DGKI: variants seen among roughly 807,000 people sequenced by gnomAD.
The protein encoded by DGKI is DAG kinase iota.
Under a neutral mutation model 147.5 loss-of-function variants are expected in DGKI, and 55 were observed. The observed-to-expected ratio is 0.37, with a 90% CI of 0.30 to 0.47. The LOEUF (loss-of-function observed/expected upper bound fraction) is 0.47, where lower values mean the gene tolerates loss of function less well. DGKI is among the 20% of genes least tolerant of loss of function. The pLI, the probability that DGKI is intolerant of heterozygous loss-of-function variation, is 1.00. For missense variants in DGKI, 1,007 were observed against 1,323.8 expected, an observed-to-expected ratio of 0.76 and a Z score of 3.71; for synonymous variants, 469 against 477.1, an observed-to-expected ratio of 0.98 and a Z score of 0.22.
At chr7:137,726,757 G>A (rs1318466079) in intron 1 of DGKI, among the ~76,000 whole-genome samples, 1 of 152,134 alleles carries the variant, frequency 6.6e-6, no homozygotes, top group East Asian at 1.9e-4. Flanking sequence ...TATCTTTAGG[G>A]TTCAAAGATT....
intron 28 of DGKI, among the ~76,000 whole-genome samples, chr7:137,418,362 G>A (rs916967354): frequency 6.6e-6 from 1 of 152,176 alleles, no homozygotes; most frequent in African/African-American, 2.4e-5. Flanking sequence ...GCAGCAGGGA[G>A]AACTGATGTT....
chr7:137,469,232 G>A (rs1814784936), intron 24 of DGKI, among the ~76,000 whole-genome samples: 1 of 152,162 alleles, frequency 6.6e-6, no homozygotes, highest in Non-Finnish European at 1.5e-5. Flanking sequence ...ATAGAATCCA[G>A]CTACTGGTCT....
chr7:137,815,546 C>T (rs1423342665), intron 1 of DGKI, among the ~76,000 whole-genome samples: 1 of 152,164 alleles, frequency 6.6e-6, no homozygotes, highest in Non-Finnish European at 1.5e-5. Flanking sequence ...TAAACATTTT[C>T]TAATTCACAT....
At chr7:137,812,402 C>A (rs1797618998) in intron 1 of DGKI, among the ~76,000 whole-genome samples, 3 of 152,134 alleles carry the variant, frequency 2.0e-5, no homozygotes, top group Non-Finnish European at 4.4e-5. Flanking sequence ...AGACGGGAGG[C>A]ATTTAACTGT....
intron 5 of DGKI, among the ~76,000 whole-genome samples, chr7:137,651,974 A>G (rs527776569): frequency 1.1e-4 from 17 of 152,216 alleles, no homozygotes; most frequent in African/African-American, 3.9e-4. Context: ...GGTAGAGTAG[A>G]TATCAGATCA....
chr7:137,555,988 G>A (rs1266567424), intron 19 of DGKI, among the ~76,000 whole-genome samples: 2 of 151,986 alleles, frequency 1.3e-5, no homozygotes, highest in Non-Finnish European at 2.9e-5. Flanking sequence ...ACATCTAATT[G>A]CTGCCAGTGG....
Position 137,444,058 on chromosome 7 carries a change from T to C in DGKI, c.2761+19A>G, listed in dbSNP as rs1263185375. ...AGTTTCAATCCTGAATTGGTATAAA[T>C]AAGACAGATGATTCTTACCATGATC... On this transcript the variant is annotated intron_variant, in intron 28 of 32. Coordinates refer to ENST00000614521, the MANE Select transcript of DGKI (RefSeq NM_001321708.2). 5.1e-6 allele frequency: 8 copies of C among 1,557,774 alleles called. No individual in the cohort carries two copies. Among genetic ancestry groups the C allele is most frequent in the Admixed American group, 2.0e-5 (1 of 50,238 alleles).
At chr7:137,493,827 T>C (rs573959795) in intron 21 of DGKI, 18 of 700,206 alleles carry the variant, frequency 2.6e-5, no homozygotes, top group African/African-American at 2.4e-4. Context: ...TCTTAACCAG[T>C]CTGAAATAGC....
intron 6 of DGKI, among the ~76,000 whole-genome samples, chr7:137,639,257 T>C (rs1213066777): frequency 6.6e-6 from 1 of 152,020 alleles, no homozygotes; most frequent in Non-Finnish European, 1.5e-5. Context: ...AAACCGGAGA[T>C]TTATCATGAG....
At chr7:137,650,099 T>C (rs1298329077) in intron 5 of DGKI, among the ~76,000 whole-genome samples, 1 of 152,186 alleles carries the variant, frequency 6.6e-6, no homozygotes, top group Non-Finnish European at 1.5e-5. Context: ...GAATTCTTAA[T>C]TTTTAATTAA....
intron 19 of DGKI, among the ~76,000 whole-genome samples, chr7:137,559,017 A>C (rs1191526604): frequency 1.3e-5 from 2 of 148,302 alleles, no homozygotes. Flanking sequence ...TGCTACAATC[A>C]CTTTCAGAAC....
intron 21 of DGKI, among the ~76,000 whole-genome samples, chr7:137,521,558 A>AT (rs1177326549): frequency 1.3e-5 from 2 of 152,086 alleles, no homozygotes; most frequent in Admixed American, 1.3e-4. Context: ...GTGCTATACC[A>AT]TTGGTATCAC....
chr7:137,592,126 G>A (rs1819638247), intron 12 of DGKI, among the ~76,000 whole-genome samples: 1 of 152,202 alleles, frequency 6.6e-6, no homozygotes, highest in South Asian at 2.1e-4. Flanking sequence ...TGTCTTTACA[G>A]TAATCCGGAA....
chr7:137,814,368 C>A (rs1396537412), intron 1 of DGKI, among the ~76,000 whole-genome samples: 4 of 152,174 alleles, frequency 2.6e-5, no homozygotes, highest in Non-Finnish European at 5.9e-5. Context: ...AGGGTTGAAT[C>A]TCTCATACTC....
chr7:137,844,993 T>C (rs552806853), intron 1 of DGKI, among the ~76,000 whole-genome samples: 2 of 152,298 alleles, frequency 1.3e-5, no homozygotes, highest in East Asian at 3.9e-4. Context: ...GAACTGCCAG[T>C]GTCCTAGCAT....
At chr7:137,410,017 G>T (rs1383009770) in intron 29 of DGKI, among the ~76,000 whole-genome samples, 1 of 152,208 alleles carries the variant, frequency 6.6e-6, no homozygotes, top group African/African-American at 2.4e-5. Flanking sequence ...AGAAGAGGAA[G>T]AGGGCATGAA....
intron 19 of DGKI, among the ~76,000 whole-genome samples, chr7:137,568,538 C>G (rs1818670555): frequency 6.6e-6 from 1 of 152,148 alleles, no homozygotes; most frequent in African/African-American, 2.4e-5. Flanking sequence ...TCAGACTTCT[C>G]CAGATAGACC....
chr7:137,642,557 C>T (rs1249911418), intron 6 of DGKI, among the ~76,000 whole-genome samples: 1 of 152,142 alleles, frequency 6.6e-6, no homozygotes, highest in Non-Finnish European at 1.5e-5. Context: ...TCTGCCTTGA[C>T]CCTGACTCTT....
At chr7:137,477,094 C>A (rs1042354608) in intron 23 of DGKI, among the ~76,000 whole-genome samples, 1 of 152,156 alleles carries the variant, frequency 6.6e-6, no homozygotes, top group Admixed American at 6.5e-5. Flanking sequence ...CTGTTTCTTA[C>A]CAGACAGTTT....
Sources: allele counts gnomAD v4.1 joint callset (sites outside exome capture counted in the v4.1 genomes callset), GRCh38; gene constraint gnomAD v4.1.1; transcripts MANE v1.5; gene names NCBI Gene and HGNC (gene_info 2026-07-23, HGNC 2026-07-21).